Variants in KIAA1217 observed in about 807,000 individuals in gnomAD.
The protein encoded by KIAA1217 is KIAA1217.
KIAA1217 carries 88 observed loss-of-function variants against 163.9 expected under a neutral mutation model. The observed-to-expected ratio is 0.54, with a 90% confidence interval of 0.45 to 0.64. The LOEUF is 0.64. Ranked by LOEUF, KIAA1217 falls within the 30% of genes least tolerant of loss-of-function variation. The pLI is 0.00. For synonymous variants in KIAA1217, 903 were observed against 923.1 expected (o/e 0.98, Z 0.39); for missense variants, 2,372 against 2,475.0 (o/e 0.96, Z 0.88).
intron 2 of KIAA1217, among the ~76,000 whole-genome samples, chr10:24,192,134 T>C (rs1041481315): frequency 6.6e-6 from 1 of 152,094 alleles, no homozygotes; most frequent in Non-Finnish European, 1.5e-5. Context: ...AAGAAAGAGG[T>C]GAATGTATGT....
intron 2 of KIAA1217, among the ~76,000 whole-genome samples, chr10:24,067,356 C>G (rs1331677201): frequency 6.6e-6 from 1 of 152,158 alleles, no homozygotes; most frequent in Non-Finnish European, 1.5e-5. Context: ...AGTTTTCTTT[C>G]TAACAGACAG....
rs1259653256 is a variant in KIAA1217, at chr10:24,473,974, C to T, written c.1593C>T (p.Ser531=). Residue 531 remains serine (S), a synonymous_variant, in exon 6 of 21, where the codon TCC becomes TCT. Transcript: ENST00000376454. ...AGCCACGGAGCGCTGCAGGATTATC[C>T]AGCCTTGTAGACCTCGGCCCTCCTC... is the stretch of plus-strand genomic sequence containing the variant. ...IEKPRSAAGL[S]SLVDLGPPLM... is the part of the protein sequence containing the mutation. The T allele has an allele frequency of 2.5e-6, 4 of 1,614,024 alleles. No individual in the cohort carries two copies. In the Admixed American group the frequency reaches 5.0e-5, roughly 20 times the overall value.
At chr10:24,218,890 G>C (rs17504419) in intron 1 of KIAA1217, among the ~76,000 whole-genome samples, 2 of 152,004 alleles carry the variant, frequency 1.3e-5, no homozygotes, top group Admixed American at 6.6e-5. Flanking sequence ...GATTACTTAC[G>C]TACAGGGTGA....
intron 2 of KIAA1217, among the ~76,000 whole-genome samples, chr10:24,063,297 A>G (rs2060805717): frequency 1.3e-5 from 2 of 152,162 alleles, no homozygotes; most frequent in African/African-American, 4.8e-5. Flanking sequence ...TTTTTAATCC[A>G]TGTTGAATTA....
intron 2 of KIAA1217, among the ~76,000 whole-genome samples, chr10:24,060,599 A>C (rs1230637997): frequency 6.6e-6 from 1 of 152,214 alleles, no homozygotes; most frequent in African/African-American, 2.4e-5. Context: ...GTTCAATACT[A>C]GCCTAGGCAA....
intron 1 of KIAA1217, among the ~76,000 whole-genome samples, chr10:23,958,256 C>A (rs141504944): frequency 6.6e-6 from 1 of 152,276 alleles, no homozygotes; most frequent in Non-Finnish European, 1.5e-5. Flanking sequence ...GAAGTCAAAT[C>A]CAGCTCATAC....
chr10:24,455,816 G>A (rs1423810537), intron 5 of KIAA1217, among the ~76,000 whole-genome samples: 1 of 152,194 alleles, frequency 6.6e-6, no homozygotes, highest in African/African-American at 2.4e-5. Flanking sequence ...GAAATGAATT[G>A]GGAGTCTTTT....
chr10:24,426,967 C>A (rs919984870), intron 3 of KIAA1217, among the ~76,000 whole-genome samples: 1 of 152,176 alleles, frequency 6.6e-6, no homozygotes, highest in African/African-American at 2.4e-5. Context: ...CATTCTGGAA[C>A]TGATTCTGAG....
chr10:23,756,365 C>T (rs969171185), intron 1 of KIAA1217, among the ~76,000 whole-genome samples: 2 of 152,044 alleles, frequency 1.3e-5, no homozygotes, highest in Non-Finnish European at 2.9e-5. Flanking sequence ...AACATTGGGG[C>T]TACTAAAGAT....
intron 1 of KIAA1217, among the ~76,000 whole-genome samples, chr10:23,790,147 A>G (rs1157087993): frequency 9.9e-5 from 8 of 81,036 alleles, no homozygotes; most frequent in East Asian, 3.5e-4. Context: ...ATACACATAT[A>G]CACATATGCA....
chr10:23,818,814 C>A (rs1055807433), intron 1 of KIAA1217, among the ~76,000 whole-genome samples: 3 of 152,184 alleles, frequency 2.0e-5, no homozygotes, highest in African/African-American at 4.8e-5. Context: ...TCTGTAAGCT[C>A]TCTTGACAAA....
At chr10:23,965,534 G>T (rs140468416) in intron 1 of KIAA1217, among the ~76,000 whole-genome samples, 107 of 152,330 alleles carry the variant, frequency 7.0e-4, no homozygotes, top group African/African-American at 2.5e-3. Context: ...AGGAGCTAGA[G>T]ATCACATCAG....
At chr10:24,410,208 C>G (rs1047690623) in intron 3 of KIAA1217, among the ~76,000 whole-genome samples, 1 of 152,040 alleles carries the variant, frequency 6.6e-6, no homozygotes, top group Non-Finnish European at 1.5e-5. Context: ...GTTGGCCAGG[C>G]TGGTCTCGAA....
At chr10:24,148,244 G>A (rs760209692) in intron 2 of KIAA1217, among the ~76,000 whole-genome samples, 4 of 152,022 alleles carry the variant, frequency 2.6e-5, no homozygotes, top group South Asian at 2.1e-4. Flanking sequence ...AAATCGAACC[G>A]AGTTTTATAG....
intron 1 of KIAA1217, among the ~76,000 whole-genome samples, chr10:23,976,949 T>C (rs966716916): frequency 3.3e-5 from 5 of 152,206 alleles, no homozygotes; most frequent in African/African-American, 1.2e-4. Flanking sequence ...GTCAGAGAGC[T>C]AATAAAACCC....
chr10:23,921,635 A>G (rs551354603), intron 1 of KIAA1217, among the ~76,000 whole-genome samples: 7 of 152,116 alleles, frequency 4.6e-5, no homozygotes, highest in Admixed American at 3.9e-4. Context: ...GGGGCTGAGC[A>G]TGTTATTCTT....
chr10:23,713,698 C>G (rs1279541266), intron 1 of KIAA1217, among the ~76,000 whole-genome samples: 2 of 152,040 alleles, frequency 1.3e-5, no homozygotes, highest in African/African-American at 2.4e-5. Flanking sequence ...CCCAATAAAA[C>G]TTTTTGGTAT....
intron 4 of KIAA1217, among the ~76,000 whole-genome samples, chr10:24,434,175 T>C (rs1176516719): frequency 7.2e-5 from 11 of 151,930 alleles, no homozygotes; most frequent in Admixed American, 5.9e-4. Context: ...TAGCTGGGAT[T>C]ACAGGCGCCC....
At chr10:24,140,460 T>G (rs2131831097) in intron 2 of KIAA1217, among the ~76,000 whole-genome samples, 1 of 151,416 alleles carries the variant, frequency 6.6e-6, no homozygotes, top group Middle Eastern at 3.5e-3. Context: ...TGAAGTAAAA[T>G]AAGCTTGAAC....
Sources: gnomAD v4.1 joint callset for allele counts (sites outside exome capture counted in the v4.1 genomes callset) on GRCh38, gnomAD v4.1.1 for gene constraint, MANE v1.5 for transcripts, NCBI Gene and HGNC (gene_info 2026-07-23, HGNC 2026-07-21) for gene names.